The following PTCH1 variants were observed in gnomAD, a reference collection of about 807,000 sequenced individuals.
PTCH1 encodes the protein protein patched homolog 1.
Under a neutral mutation model 144.6 loss-of-function variants are expected in PTCH1, and 14 were observed. The observed-to-expected ratio is 0.10, with a 90% CI of 0.06 to 0.15. The LOEUF (loss-of-function observed/expected upper bound fraction) is 0.15. Among genes scored for constraint, PTCH1 ranks in the 10% least tolerant of loss-of-function variants. The probability of loss-of-function intolerance (pLI) is 1.00; values close to 1 mark genes in which losing one functional copy is unlikely to be tolerated. For missense variants in PTCH1, 1,623 were observed against 1,948.3 expected (o/e 0.83, Z 3.14); for synonymous variants, 833 against 793.6 (o/e 1.05, Z -0.83).
Position 95,470,916 on chromosome 9 carries a change from C to A in PTCH1, c.1729-985G>T, listed in dbSNP as rs142257681. ...CTAACACGGTGAAACCCCGTCTCTA[C>A]TAAAAACACACAAAAAATTAGTTGA... On this transcript the variant is annotated intron_variant, in intron 12 of 23. Transcript: ENST00000331920. Among the ~76,000 whole-genome samples, 1,467 of 152,208 alleles carry A rather than the reference C, an allele frequency of 9.6e-3. 24 individuals carry two copies. The highest frequency in any genetic ancestry group is 0.03 in the East Asian group (156 of 5,160).
chr9:95,448,939 T>C, intron 22 of PTCH1, 130 bp downstream of exon 22: 2 of 1,308,104 alleles, frequency 1.5e-6, no homozygotes. Context: ...TTTGACCTAG[T>C]CTGTACCTTA....
At chr9:95,481,805 C>G in intron 5 of PTCH1, 144 bp downstream of exon 5, 1 of 792,104 alleles carries the variant, frequency 1.3e-6, no homozygotes, top group Non-Finnish European at 2.2e-6. Context: ...TCTCCCCCGA[C>G]TATTCACTCA....
intron 1 of PTCH1, among the ~76,000 whole-genome samples, chr9:95,514,934 T>C (rs1299011160): frequency 6.6e-6 from 1 of 152,190 alleles, no homozygotes; most frequent in Non-Finnish European, 1.5e-5. Flanking sequence ...TGATTCAACA[T>C]TTTAATTGAA....
intron 15 of PTCH1, 131 bp from the exon 16 acceptor site, chr9:95,462,129 T>A (rs1257923433): frequency 2.9e-6 from 3 of 1,044,574 alleles, no homozygotes; most frequent in Non-Finnish European, 4.4e-6. Flanking sequence ...ACCCTCTGTG[T>A]CCCACATCCA....
At chr9:95,493,600 T>C (rs1473729309) in intron 2 of PTCH1, among the ~76,000 whole-genome samples, 9 of 152,186 alleles carry the variant, frequency 5.9e-5, no homozygotes, top group African/African-American at 2.2e-4. Flanking sequence ...ATAGGGTCTG[T>C]GTATATGCAA....
rs553826962 is a variant in PTCH1, at chr9:95,468,638, C to T, written c.2250+113G>A. ...AGGACTGAAATGTATCATACTTAAACGAAATTTTTTTTTTTTTAAGGAAAA... is the reference window on the plus strand; with the variant it reads ...AGGACTGAAATGTATCATACTTAAATGAAATTTTTTTTTTTTTAAGGAAAA... On this transcript the variant is annotated intron_variant, in intron 14 of 23. Transcript: ENST00000331920. 121 of 1,379,704 alleles carry T rather than the reference C, an allele frequency of 8.8e-5. No homozygotes were observed. The African/African-American group carries it at 1.8e-3, about 21-fold the overall frequency. 85.5% of individuals were successfully genotyped at this position (1,379,704 alleles called of 1,614,324 possible).
intron 18 of PTCH1, 87 bp downstream of exon 18, chr9:95,457,926 C>G: frequency 6.5e-7 from 1 of 1,543,410 alleles, no homozygotes; most frequent in South Asian, 1.1e-5. Context: ...CCTCCAGAGG[C>G]CCAGACATAA....
Position 95,508,188 on chromosome 9 carries a change from G to A in PTCH1, c.174C>T (p.Ala58=), listed in dbSNP as rs368563182. ...TGGAAATCTGCTCCAGAGCGAAGGC[G>A]GCGTCGCAGTAGCTGGGCCGGTGCA... The part of the protein sequence containing the change: ...DYLHRPSYCD[A]AFALEQISKG... The change falls in exon 1 of 24, where the codon GCC becomes GCT. Residue 58 remains alanine (A), a synonymous_variant. Coordinates refer to ENST00000331920, the MANE Select transcript of PTCH1 (RefSeq NM_000264.5). 1.3e-4 allele frequency: 209 copies of A among 1,612,616 alleles called. No homozygotes were observed. The highest frequency in any genetic ancestry group is 1.7e-4 in the Non-Finnish European group (206 of 1,179,792).
At position 95,508,644 on chromosome 9, in the gene PTCH1, G is replaced by T. The variant is rs1395643015; in HGVS notation, c.-283C>A. On this transcript the variant is annotated 5_prime_UTR_variant, in exon 1 of 24. Transcript: ENST00000331920. ...GGGTCCCGAGGTCTCTGCGGCCGCC[G>T]CTGCCCACATCCAGTTCGCGGAAGA... The T allele has an allele frequency of 2.0e-6, 2 of 989,058 alleles. No individual in the cohort carries two copies. Among genetic ancestry groups the T allele is most frequent in the Non-Finnish European group, 2.4e-6 (2 of 832,808 alleles). 61.3% of individuals were successfully genotyped at this position (989,058 alleles called of 1,614,324 possible). A position where few individuals can be genotyped will look rare whatever the true frequency, so the allele number is the denominator to read the frequency against.
chr9:95,513,469 G>GATGCAAT (rs950140075), upstream of PTCH1, among the ~76,000 whole-genome samples: 90 of 152,234 alleles, frequency 5.9e-4, no homozygotes, highest in African/African-American at 2.1e-3. Context: ...TTGGGGATTT[G>GATGCAAT]ATGCAATATT....
upstream of PTCH1, among the ~76,000 whole-genome samples, chr9:95,513,741 A>G (rs1844249634): frequency 6.6e-6 from 1 of 152,150 alleles, no homozygotes; most frequent in Admixed American, 6.5e-5. Flanking sequence ...GGGGAGATTC[A>G]GCAGCTACAA....
chr9:95,450,721 A>G (rs995900736), intron 20 of PTCH1: 1 of 152,296 alleles, frequency 6.6e-6, no homozygotes, highest in Non-Finnish European at 1.5e-5. Flanking sequence ...ATCTCTGAAT[A>G]CTCTTGTTTT....
At chr9:95,499,671 A>G (rs1843017370) in intron 2 of PTCH1, among the ~76,000 whole-genome samples, 1 of 152,120 alleles carries the variant, frequency 6.6e-6, no homozygotes, top group Admixed American at 6.5e-5. Flanking sequence ...ATAGTGTCAA[A>G]AGAGTGCCAG....
rs2118427410 is a variant in PTCH1 at position 95,480,564 on chromosome 9, T to C, written c.771A>G (p.Thr257=). ...YLLGKPPLRW[T]NFDPLEFLEE... Reference sequence around the variant, plus strand: ...CCAGGAATTCCAAAGGGTCGAAGTTTGTCCACCGCAAAGGAGGTTTACCTC... The same window carrying C: ...CCAGGAATTCCAAAGGGTCGAAGTTCGTCCACCGCAAAGGAGGTTTACCTC... The change falls in exon 6 of 24, where the codon ACA becomes ACG. Residue 257 remains threonine, a synonymous_variant. Transcript: ENST00000331920. The C allele has an allele frequency of 6.2e-7, 1 of 1,613,842 alleles. No individual in the cohort carries two copies.
intron 15 of PTCH1, among the ~76,000 whole-genome samples, chr9:95,464,970 C>T (rs988838627): frequency 1.3e-5 from 2 of 152,112 alleles, no homozygotes; most frequent in Non-Finnish European, 2.9e-5. Context: ...CTGTAAGAGT[C>T]AGTCATGGAG....
intron 12 of PTCH1, among the ~76,000 whole-genome samples, chr9:95,472,095 G>GA (rs1417394165): frequency 6.8e-6 from 1 of 146,996 alleles, no homozygotes; most frequent in Non-Finnish European, 1.5e-5. Context: ...TGCTCCCTGT[G>GA]AAAAAAACAC....
At chr9:95,493,380 C>T (rs928133547) in intron 2 of PTCH1, among the ~76,000 whole-genome samples, 2 of 152,208 alleles carry the variant, frequency 1.3e-5, no homozygotes, top group Non-Finnish European at 2.9e-5. Flanking sequence ...CATGCACCTC[C>T]GTATGTGAGG....
exon 1 of PTCH1, chr9:95,516,728 G>A (rs756069384): frequency 5.0e-6 from 8 of 1,613,000 alleles, no homozygotes; most frequent in Non-Finnish European, 6.8e-6. Context: ...AACGGAAAGT[G>A]TAAAAACCCC....
At chr9:95,516,688 C>A (rs1274299143) in exon 1 of PTCH1, 1 of 1,612,638 alleles carries the variant, frequency 6.2e-7, no homozygotes, top group African/African-American at 1.3e-5. Flanking sequence ...TCTTCTTCTT[C>A]TTCTCCTCCT....
Sources: gnomAD v4.1 joint callset for allele counts (sites outside exome capture counted in the v4.1 genomes callset) on GRCh38, gnomAD v4.1.1 for gene constraint, MANE v1.5 for transcripts, NCBI Gene and HGNC (gene_info 2026-07-23, HGNC 2026-07-21) for gene names.